PLK1: variants seen among roughly 807,000 people sequenced by gnomAD.
PLK1 encodes serine/threonine-protein kinase PLK1.
PLK1 carries 6 observed loss-of-function variants against 56.7 expected under a neutral mutation model. The observed-to-expected ratio is 0.11, with a 90% confidence interval of 0.06 to 0.21. The LOEUF (loss-of-function observed/expected upper bound fraction) is 0.21. PLK1 is among the 10% of genes least tolerant of loss of function. The pLI is 1.00. For synonymous variants in PLK1, 298 were observed against 325.0 expected (o/e 0.92, Z 0.89); for missense variants, 546 against 814.4 (o/e 0.67, Z 4.01).
chr16:23,687,298 G>T (rs1959443711), intron 5 of PLK1, 171 bp from the exon 6 acceptor site: 1 of 498,914 alleles, frequency 2.0e-6, no homozygotes, highest in South Asian at 3.7e-5. Context: ...CTCACAGTGA[G>T]CACTATGTGC....
In PLK1 at chr16:23,690,133, T is replaced by A; in HGVS notation, c.*70T>A. 7.2e-6 allele frequency: 9 copies of A among 1,246,530 alleles called. No homozygotes were observed. The highest frequency in any genetic ancestry group is 1.5e-5 in the African/African-American group (1 of 68,460). The allele number at this position is 1,246,530 out of a possible 1,614,324, so 77.2% of individuals were successfully genotyped here. ...GCATCTGGGGCCCATACTGGTTGGC[T>A]CCCGCGGTGCCATGTCTGCAGTGTG... On this transcript the variant is annotated 3_prime_UTR_variant, in exon 10 of 10. Transcript: ENST00000300093.
At chr16:23,680,056 C>T (rs1361332569) in intron 1 of PLK1, 28 bp from the exon 2 acceptor site, 3 of 1,574,444 alleles carry the variant, frequency 1.9e-6, no homozygotes, top group Non-Finnish European at 2.6e-6. Flanking sequence ...CCTCCCCATC[C>T]CTCCTGCCCT....
At chr16:23,685,585 G>A (rs1567239790) in intron 5 of PLK1, among the ~76,000 whole-genome samples, 1 of 151,970 alleles carries the variant, frequency 6.6e-6, no homozygotes, top group Non-Finnish European at 1.5e-5. Context: ...GTGTGCACCT[G>A]TAATCTCAGC....
At chr16:23,685,601 G>C (rs1219195607) in intron 5 of PLK1, among the ~76,000 whole-genome samples, 2 of 151,884 alleles carry the variant, frequency 1.3e-5, no homozygotes, top group Non-Finnish European at 2.9e-5. Context: ...TCAGCTACTC[G>C]GGACACTGAG....
At chr16:23,684,382 C>T (rs1320461067) in intron 5 of PLK1, among the ~76,000 whole-genome samples, 1 of 151,876 alleles carries the variant, frequency 6.6e-6, no homozygotes, top group African/African-American at 2.4e-5. Context: ...GACAGGGTCT[C>T]TCCTCTATTT....
intron 4 of PLK1, among the ~76,000 whole-genome samples, chr16:23,682,702 T>G (rs180868174): frequency 0.063 from 9,532 of 150,548 alleles, 651 homozygotes; most frequent in African/African-American, 0.16. Flanking sequence ...TTTTTTTTTT[T>G]TGTATTTTTA....
intron 6 of PLK1, among the ~76,000 whole-genome samples, chr16:23,688,299 A>G (rs903258006): frequency 3.3e-5 from 5 of 152,180 alleles, no homozygotes. Flanking sequence ...ACTTAAATTG[A>G]TTAGTCTTTG....
chr16:23,690,334 T>G lies in PLK1; in HGVS notation c.*271T>G, dbSNP rs1959532266. 2 of 562,490 alleles carry G rather than the reference T, an allele frequency of 3.6e-6. No homozygotes were observed. The highest frequency in any genetic ancestry group is 4.3e-5 in the South Asian group (2 of 46,192). 34.8% of individuals were successfully genotyped at this position (562,490 alleles called of 1,614,324 possible). On this transcript the variant is annotated 3_prime_UTR_variant, in exon 10 of 10. Transcript: ENST00000300093. ...ATTGAATTCGGAACTGTCCTTTCCT[T>G]GGCTTTATGCACATTAAACAGATGT...
chr16:23,688,867 C>T, intron 7 of PLK1, 122 bp downstream of exon 7: 1 of 733,982 alleles, frequency 1.4e-6, no homozygotes, highest in South Asian at 1.6e-5. Context: ...CTCTCCATCC[C>T]AGGCCTCCCA....
chr16:23,689,771 A>C lies in PLK1; in HGVS notation c.1609-89A>C, dbSNP rs1162394661. 9.2e-6 allele frequency: 14 copies of C among 1,521,324 alleles called. No individual in the cohort carries two copies. The highest frequency in any genetic ancestry group is 1.3e-5 in the Non-Finnish European group (14 of 1,105,738). The allele number at this position is 1,521,324 out of a possible 1,614,324, so 94.2% of individuals were successfully genotyped here. Reference sequence around the variant, plus strand: ...GGGTTGAATGTGGAGTGAGCGGCTCAGGTACCTATAACCTGTTGTGTCTTC... The same window carrying C: ...GGGTTGAATGTGGAGTGAGCGGCTCCGGTACCTATAACCTGTTGTGTCTTC... On this transcript the variant is annotated intron_variant, in intron 9 of 9. Coordinates refer to ENST00000300093, the MANE Select transcript of PLK1 (RefSeq NM_005030.6). The surrounding 1 kb of genome is among the most constrained non-coding windows in gnomAD (Gnocchi z 4.8).
intron 3 of PLK1, among the ~76,000 whole-genome samples, chr16:23,681,586 T>G (rs1267763755): frequency 6.6e-6 from 1 of 152,206 alleles, no homozygotes; most frequent in Non-Finnish European, 1.5e-5. Flanking sequence ...TTGGGCCTTT[T>G]CAGGTGTTAT....
rs71154221 is a variant in PLK1 at position 23,684,957 on chromosome 16, C to CTTTTTTTTTT, written c.1036+901_1036+910dup. Among the ~76,000 whole-genome samples the CTTTTTTTTTT allele has an allele frequency of 1.1e-4, 6 of 56,942 alleles. 1 individual carries two copies. Among genetic ancestry groups the CTTTTTTTTTT allele is most frequent in the Admixed American group, 2.7e-4 (1 of 3,706 alleles). The allele number at this position is 56,942 out of a possible 152,430, so 37.4% of individuals were successfully genotyped here. A position where few individuals can be genotyped will look rare whatever the true frequency, so the allele number is the denominator to read the frequency against. On this transcript the variant is annotated intron_variant, in intron 5 of 9. Coordinates refer to ENST00000300093, the MANE Select transcript of PLK1 (RefSeq NM_005030.6). Reference sequence around the variant, plus strand: ...ACAGGCGTGAACCACCAGGCCCGGCCTTTTTTTTTTTTTTTTTTTTTTTTT... The same window carrying CTTTTTTTTTT: ...ACAGGCGTGAACCACCAGGCCCGGCCTTTTTTTTTTTTTTTTTTTTTTTTTTTTTTTTTTT...
chr16:23,683,163 T>C (rs1199610443), intron 4 of PLK1, among the ~76,000 whole-genome samples: 1 of 151,854 alleles, frequency 6.6e-6, no homozygotes. Context: ...GCTTCTTTTT[T>C]CTGTATTTGT....
At chr16:23,687,672 G>T in intron 6 of PLK1, 48 bp downstream of exon 6, 1 of 1,404,368 alleles carries the variant, frequency 7.1e-7, no homozygotes, top group South Asian at 1.4e-5. Context: ...TGGGGCATCT[G>T]GAAAAGGCAG....
rs1959508856 is a variant in PLK1 at position 23,689,725 on chromosome 16, A to G, written c.1608+49A>G. On this transcript the variant is annotated intron_variant, in intron 9 of 9. Coordinates refer to ENST00000300093, the MANE Select transcript of PLK1 (RefSeq NM_005030.6). This position sits in a 1 kb window ranked among gnomAD's most constrained non-coding sequence, Gnocchi z 4.8. ...AGGAGAGAGCTGGGGTAGGCTCCGC[A>G]TGCCTGGCAGTGGCCCATGTGGGTT... The G allele has an allele frequency of 2.6e-6, 4 of 1,567,084 alleles. No individual in the cohort carries two copies. Among genetic ancestry groups the G allele is most frequent in the East Asian group, 4.5e-5 (2 of 43,962 alleles).
At position 23,688,691 on chromosome 16, in the gene PLK1, A is replaced by G; in HGVS notation, c.1216A>G (p.Ile406Val). Reference sequence around the variant, plus strand: ...AGAGGAGGCTGAGGATCCTGCCTGCATCCCCATCTTCTGGGTCAGCAAGTG... The same window carrying G: ...AGAGGAGGCTGAGGATCCTGCCTGCGTCCCCATCTTCTGGGTCAGCAAGTG... Reference protein sequence around the residue: ...RQEEAEDPACIPIFWVSKWVD... With the variant: ...RQEEAEDPACVPIFWVSKWVD... The change falls in exon 7 of 10, where the codon ATC (isoleucine) becomes GTC (valine). Residue 406 changes from isoleucine (I) to valine (V), a missense_variant. Transcript: ENST00000300093. 2 of 1,614,042 alleles carry G rather than the reference A, an allele frequency of 1.2e-6. No individual in the cohort carries two copies. The highest frequency in any genetic ancestry group is 1.7e-6 in the Non-Finnish European group (2 of 1,179,856).
rs541916380 is a variant in PLK1 at position 23,690,138 on chromosome 16, C to A, written c.*75C>A. 1 of 1,177,670 alleles carries A rather than the reference C, an allele frequency of 8.5e-7. No homozygotes were observed. The highest frequency in any genetic ancestry group is 1.5e-5 in the African/African-American group (1 of 66,916). 73.0% of individuals were successfully genotyped at this position (1,177,670 alleles called of 1,614,324 possible). A position where few individuals can be genotyped will look rare whatever the true frequency, so the allele number is the denominator to read the frequency against. ...TGGGGCCCATACTGGTTGGCTCCCG[C>A]GGTGCCATGTCTGCAGTGTGCCCCC... On this transcript the variant is annotated 3_prime_UTR_variant, in exon 10 of 10. Transcript: ENST00000300093.
chr16:23,688,377 A>C (rs147815783), intron 6 of PLK1, among the ~76,000 whole-genome samples: 1 of 152,368 alleles, frequency 6.6e-6, no homozygotes, highest in Non-Finnish European at 1.5e-5. Flanking sequence ...AACCTGCAAC[A>C]GTGCCTGGCA....
intron 4 of PLK1, among the ~76,000 whole-genome samples, chr16:23,683,660 G>A (rs914220690): frequency 1.3e-5 from 2 of 152,124 alleles, no homozygotes; most frequent in African/African-American, 4.8e-5. Context: ...GTTGGTGTTC[G>A]GCCACAGTCC....
Sources: allele counts gnomAD v4.1 joint callset (sites outside exome capture counted in the v4.1 genomes callset), GRCh38; gene constraint gnomAD v4.1.1; non-coding constraint Gnocchi (gnomAD v3.1); transcripts MANE v1.5; gene names NCBI Gene and HGNC (gene_info 2026-07-23, HGNC 2026-07-21).